Variants in TNC observed in about 807,000 individuals in gnomAD.
TNC encodes tenascin C.
Under a neutral mutation model 202.4 loss-of-function variants are expected in TNC, and 109 were observed. That is an observed-to-expected ratio of 0.54 (90% CI 0.46 to 0.63). The LOEUF is 0.63. Ranked by LOEUF, TNC falls within the 30% of genes least tolerant of loss-of-function variation. The pLI is 0.00. For missense variants in TNC, 2,756 were observed against 2,833.3 expected, an observed-to-expected ratio of 0.97 and a Z score of 0.62; for synonymous variants, 1,007 against 1,089.7, an observed-to-expected ratio of 0.92 and a Z score of 1.50.
In TNC at chr9:115,046,687, A is replaced by G. The variant is rs1204433307; in HGVS notation, c.4853-5T>C. Reference sequence around the variant, plus strand: ...TGTCAACTTCCGGTTCGGCTTCTAGAGGGAGAGAAAATGGTGGGAGAAGGA... The same window carrying G: ...TGTCAACTTCCGGTTCGGCTTCTAGGGGGAGAGAAAATGGTGGGAGAAGGA... On this transcript the variant is annotated splice_region_variant and splice_polypyrimidine_tract_variant and intron_variant, in intron 16 of 27. Coordinates refer to ENST00000350763, the MANE Select transcript of TNC (RefSeq NM_002160.4). 2 of 1,611,610 alleles carry G rather than the reference A, an allele frequency of 1.2e-6. No individual in the cohort carries two copies. The highest frequency in any genetic ancestry group is 3.3e-5 in the Admixed American group (2 of 59,906).
In TNC at chr9:115,090,789, A is replaced by G. The variant is rs143999656; in HGVS notation, c.230T>C (p.Leu77Pro). ...DLESASGEKD[L>P]APPSEPSESF... is the part of the protein sequence containing the mutation. ...TTCGCTGGGCTCTGAAGGCGGTGCC[A>G]GGTCTTTCTCCCCACTGGCTGACTC... The change falls in exon 2 of 28, where the codon CTG (leucine) becomes CCG (proline). Residue 77 changes from leucine to proline, a missense_variant. By Grantham distance (98) the Leu-to-Pro change is moderately conservative. Coordinates refer to ENST00000350763, the MANE Select transcript of TNC (RefSeq NM_002160.4). The G allele has an allele frequency of 1.2e-6, 2 of 1,614,066 alleles. No individual in the cohort carries two copies.
rs528387506 is a variant in TNC at position 115,040,984 on chromosome 9, C to T, written c.5349G>A (p.Lys1783=). 1.2e-6 allele frequency: 2 copies of T among 1,614,074 alleles called. No individual in the cohort carries two copies. The highest frequency in any genetic ancestry group is 2.7e-5 in the African/African-American group (2 of 75,014). The part of the protein sequence containing the change: ...VEYLVSIIAM[K]GFEESEPVSG... ...AGACAGGTTCACTTTCCTCAAAGCC[C>T]TTCATGGCGATGATGCTGACAAGGT... The change falls in exon 19 of 28, where the codon AAG becomes AAA. Residue 1783 remains lysine (K), a synonymous_variant. Transcript: ENST00000350763.
intron 1 of TNC, among the ~76,000 whole-genome samples, chr9:115,094,578 A>G (rs1392906379): frequency 6.6e-6 from 1 of 152,196 alleles, no homozygotes; most frequent in Non-Finnish European, 1.5e-5. Context: ...ATAATTTCAG[A>G]ATGAGCAACT....
At chr9:115,055,084 G>A (rs1368113229) in intron 15 of TNC, among the ~76,000 whole-genome samples, 1 of 101,132 alleles carries the variant, frequency 9.9e-6, no homozygotes, top group Non-Finnish European at 2.2e-5. Context: ...ACCAGAAATG[G>A]CATGCACATA....
chr9:115,091,932 C>T (rs1451212435), intron 1 of TNC, among the ~76,000 whole-genome samples: 1 of 152,172 alleles, frequency 6.6e-6, no homozygotes, highest in Non-Finnish European at 1.5e-5. Flanking sequence ...GCTCACAGCT[C>T]AGAAAGGATG....
Position 115,021,043 on chromosome 9 carries a change from T to C in TNC, c.*114A>G. The C allele has an allele frequency of 1.2e-6, 1 of 812,018 alleles. No individual in the cohort carries two copies. Among genetic ancestry groups the C allele is most frequent in the Non-Finnish European group, 2.0e-6 (1 of 508,796 alleles). 50.3% of individuals were successfully genotyped at this position (812,018 alleles called of 1,614,324 possible). ...CCAGGGATCCATGGTCAGCTTTGACTCTCACCAAATGCCCAGGTGTGGACC... is the reference window on the plus strand; with the variant it reads ...CCAGGGATCCATGGTCAGCTTTGACCCTCACCAAATGCCCAGGTGTGGACC... On this transcript the variant is annotated 3_prime_UTR_variant, in exon 28 of 28. Transcript: ENST00000350763.
intron 27 of TNC, among the ~76,000 whole-genome samples, chr9:115,022,082 T>C (rs1477875846): frequency 6.6e-6 from 1 of 152,194 alleles, no homozygotes. Context: ...AGTCTGCAGA[T>C]GGTAGAGTCA....
intron 1 of TNC, among the ~76,000 whole-genome samples, chr9:115,095,610 ATATATGTATATATATATG>A (rs1835694299): frequency 3.2e-4 from 1 of 3,088 alleles, no homozygotes; most frequent in African/African-American, 5.4e-4. Flanking sequence ...ATATATATGT[ATATATGTATATATATATG>A]TATATATATG....
intron 9 of TNC, among the ~76,000 whole-genome samples, chr9:115,075,211 A>T (rs1379564589): frequency 6.6e-6 from 1 of 152,050 alleles, no homozygotes; most frequent in Admixed American, 6.5e-5. Flanking sequence ...ATGGAAAAAA[A>T]AATCTTGAGG....
At chr9:115,111,513 A>C (rs1437078242) in intron 1 of TNC, among the ~76,000 whole-genome samples, 1 of 139,638 alleles carries the variant, frequency 7.2e-6, no homozygotes, top group African/African-American at 2.7e-5. Flanking sequence ...AGTTCAAGTG[A>C]TTCTCCTGCT....
At chr9:115,063,234 G>C in intron 12 of TNC, 45 bp from the exon 13 acceptor site, 4 of 1,599,060 alleles carry the variant, frequency 2.5e-6, no homozygotes, top group Non-Finnish European at 3.4e-6. Context: ...AAAGGCAATT[G>C]CACGCTGGGA....
Position 115,042,268 on chromosome 9 carries a change from G to T in TNC, c.5199C>A (p.Pro1733=). The change falls in exon 18 of 28, where the codon CCC becomes CCA. Residue 1733 remains proline, a synonymous_variant. Transcript: ENST00000350763. ...TCCGGAAGCTCTCCACTTGGGCTGT[G>T]GGTGCCCTCCAGCTGACAGTAGCCG... ...ENSATVSWRA[P]TAQVESFRIT... The T allele has an allele frequency of 6.2e-7, 1 of 1,614,082 alleles. No homozygotes were observed. The highest frequency in any genetic ancestry group is 8.5e-7 in the Non-Finnish European group (1 of 1,179,970).
chr9:115,080,639 G>A (rs1389983578), intron 6 of TNC, among the ~76,000 whole-genome samples: 1 of 152,018 alleles, frequency 6.6e-6, no homozygotes, highest in African/African-American at 2.4e-5. Context: ...AGCTGTGCAC[G>A]GTGGCTCACG....
chr9:115,040,383 G>A (rs1417518496), intron 19 of TNC, among the ~76,000 whole-genome samples: 5 of 152,212 alleles, frequency 3.3e-5, no homozygotes, highest in Non-Finnish European at 7.3e-5. Flanking sequence ...GAGCTGTTTT[G>A]TAGCTGTCAC....
At chr9:115,073,461 A>G (rs1178230247) in intron 10 of TNC, 142 bp downstream of exon 10, 2 of 931,492 alleles carry the variant, frequency 2.1e-6, no homozygotes, top group Non-Finnish European at 3.1e-6. Flanking sequence ...CAGCCCTTTC[A>G]AAGTGGTGTT....
chr9:115,031,761 T>C, intron 22 of TNC, 76 bp from the exon 23 acceptor site: 1 of 1,549,974 alleles, frequency 6.5e-7, no homozygotes. Context: ...TCATTCTATT[T>C]ATAAGTTCAT....
At chr9:115,029,943 CTAAT>C (rs1335725591) in intron 24 of TNC, among the ~76,000 whole-genome samples, 16 of 152,130 alleles carry the variant, frequency 1.1e-4, no homozygotes, top group Non-Finnish European at 1.5e-5. Context: ...TTAGTCAGTG[CTAAT>C]TAATGTAAGC....
chr9:115,114,648 T>C (rs1588256910), intron 1 of TNC, among the ~76,000 whole-genome samples: 2 of 152,328 alleles, frequency 1.3e-5, no homozygotes, highest in East Asian at 3.9e-4. Flanking sequence ...ACCATCTTGA[T>C]CATTCACTGA....
chr9:115,048,449 C>T lies in TNC; in HGVS notation c.4663G>A (p.Ala1555Thr), dbSNP rs112874773. 3.7e-6 allele frequency: 6 copies of T among 1,613,984 alleles called. 1 individual carries two copies. In the South Asian group the frequency reaches 5.5e-5, roughly 15 times the overall value. The change falls in exon 16 of 28, where the codon GCC becomes ACC. Residue 1555 changes from alanine to threonine, a missense_variant. This residue lies in a region of TNC where 2,559 missense variants were observed against 2,546.0 expected (regional missense o/e 1.01). Transcript: ENST00000350763. Reference protein sequence around the residue: ...FTVSWMASENAFDSFLVTVVD... With the variant: ...FTVSWMASENTFDSFLVTVVD... ...ACCGTTACTAGAAAGCTGTCAAAGG[C>T]ATTCTCCGATGCCATCCAGGAAACT...
Sources: gnomAD v4.1 joint callset for allele counts (sites outside exome capture counted in the v4.1 genomes callset) on GRCh38, gnomAD v4.1.1 for gene constraint, gnomAD v4.1.1 regional missense constraint, MANE v1.5 for transcripts, NCBI Gene and HGNC (gene_info 2026-07-23, HGNC 2026-07-21) for gene names.